The following GSE1 variants were observed in gnomAD, a reference collection of about 807,000 sequenced individuals.
GSE1 encodes the protein Gse1 coiled-coil protein.
GSE1 carries 32 observed loss-of-function variants against 112.6 expected under a neutral mutation model. That is an observed-to-expected ratio of 0.28 (90% CI 0.21 to 0.38). GSE1 has a LOEUF of 0.38. GSE1 is among the 10% of genes least tolerant of loss of function. The pLI, the probability that GSE1 is intolerant of heterozygous loss-of-function variation, is 1.00. For missense variants in GSE1, 2,348 were observed against 1,699.2 expected (o/e 1.38, Z -6.71); for synonymous variants, 1,115 against 735.6 (o/e 1.52, Z -8.35).
At chr16:85,188,336 G>A (rs778084288) in intron 1 of GSE1, among the ~76,000 whole-genome samples, 3 of 152,252 alleles carry the variant, frequency 2.0e-5, no homozygotes, top group African/African-American at 7.2e-5. Flanking sequence ...GTCACAGGCT[G>A]TAGTACATAG....
chr16:85,521,311 C>T (rs972911528), intron 2 of GSE1, among the ~76,000 whole-genome samples: 6 of 152,192 alleles, frequency 3.9e-5, no homozygotes, highest in African/African-American at 9.7e-5. Context: ...CCTCACCTCG[C>T]GCTCACCTTT....
intron 2 of GSE1, among the ~76,000 whole-genome samples, chr16:85,380,746 G>C (rs1375195696): frequency 6.6e-6 from 1 of 152,314 alleles, no homozygotes; most frequent in African/African-American, 2.4e-5. Context: ...CCTGCATCAA[G>C]CCGCAATCCA....
intron 3 of GSE1, among the ~76,000 whole-genome samples, chr16:85,649,586 C>T (rs1012032260): frequency 3.9e-5 from 6 of 152,148 alleles, no homozygotes; most frequent in African/African-American, 1.4e-4. Context: ...GCTCTTCTGC[C>T]GCTGCCTGGG....
chr16:85,375,108 G>C (rs1390749251), intron 2 of GSE1, among the ~76,000 whole-genome samples: 1 of 152,176 alleles, frequency 6.6e-6, no homozygotes, highest in Non-Finnish European at 1.5e-5. Context: ...AGCCCCTCAC[G>C]GGCTGGGACT....
At chr16:85,501,743 C>G (rs1470553157) in intron 2 of GSE1, among the ~76,000 whole-genome samples, 1 of 152,210 alleles carries the variant, frequency 6.6e-6, no homozygotes, top group East Asian at 1.9e-4. Context: ...ACAACACCCC[C>G]TTTTGGGTGA....
intron 2 of GSE1, among the ~76,000 whole-genome samples, chr16:85,547,710 G>A (rs2044748921): frequency 6.6e-6 from 1 of 151,618 alleles, no homozygotes; most frequent in Non-Finnish European, 1.5e-5. Flanking sequence ...GTGAAACCCT[G>A]TCTCTACTAA....
chr16:85,451,074 C>CA lies in GSE1; in HGVS notation c.2464+93455dup, dbSNP rs57839123. Reference sequence around the variant, plus strand: ...GGGTGACAAGAGCAAAACGCCATCTCAAAAAAAAAAAAAAAAAAAAAAAAG... The same window carrying CA: ...GGGTGACAAGAGCAAAACGCCATCTCAAAAAAAAAAAAAAAAAAAAAAAAAG... On this transcript the variant is annotated intron_variant, in intron 2 of 2. Transcript: ENST00000637419. Among the ~76,000 whole-genome samples, 478 of 63,934 alleles carry CA rather than the reference C, an allele frequency of 7.5e-3. 1 individual carries two copies. Among genetic ancestry groups the CA allele is most frequent in the Non-Finnish European group, 9.0e-3 (327 of 36,154 alleles). The allele number at this position is 63,934 out of a possible 152,430, so 41.9% of individuals were successfully genotyped here.
In GSE1 at chr16:85,662,079, T is replaced by A. The variant is rs371324645; in HGVS notation, c.2260+314T>A. On this transcript the variant is annotated intron_variant, in intron 9 of 15. Coordinates refer to ENST00000253458, the MANE Select transcript of GSE1 (RefSeq NM_014615.5). Reference sequence around the variant, plus strand: ...ATGAGCGGAGGCTAATAAGATAGTTTTAAATATTAATAGTGCAGCATAACA... The same window carrying A: ...ATGAGCGGAGGCTAATAAGATAGTTATAAATATTAATAGTGCAGCATAACA... 1.2e-3 allele frequency among the ~76,000 whole-genome samples: 177 copies of A among 152,248 alleles called. 1 individual carries two copies. Among genetic ancestry groups the A allele is most frequent in the African/African-American group, 3.9e-3 (160 of 41,546 alleles).
intron 1 of GSE1, among the ~76,000 whole-genome samples, chr16:85,626,301 A>C (rs2049064407): frequency 6.6e-6 from 1 of 152,120 alleles, no homozygotes; most frequent in South Asian, 2.1e-4. Flanking sequence ...TAATGAATTT[A>C]TCATGAAGCC....
intron 1 of GSE1, among the ~76,000 whole-genome samples, chr16:85,292,915 C>T (rs185183389): frequency 1.5e-4 from 23 of 152,246 alleles, no homozygotes; most frequent in Admixed American, 3.9e-4. Context: ...TGTGTGTGCA[C>T]GCAAATTAAA....
intron 1 of GSE1, among the ~76,000 whole-genome samples, chr16:85,286,750 A>G (rs1231186115): frequency 2.0e-5 from 3 of 151,820 alleles, no homozygotes; most frequent in African/African-American, 4.8e-5. Flanking sequence ...GGCTGTTTGA[A>G]CATCTGCTCT....
chr16:85,574,955 C>T (rs932034712), intron 1 of GSE1, among the ~76,000 whole-genome samples: 5 of 152,188 alleles, frequency 3.3e-5, no homozygotes, highest in Admixed American at 1.3e-4. Context: ...GTCTTCGCAC[C>T]CTCCCGACAA....
intron 1 of GSE1, among the ~76,000 whole-genome samples, chr16:85,603,173 A>C (rs935786079): frequency 6.6e-6 from 1 of 152,248 alleles, no homozygotes; most frequent in Non-Finnish European, 1.5e-5. Context: ...CAGTGAGGAC[A>C]AAAATAGGTC....
chr16:85,491,643 G>C (rs895877589), intron 2 of GSE1, among the ~76,000 whole-genome samples: 13 of 152,104 alleles, frequency 8.5e-5, no homozygotes, highest in Admixed American at 7.2e-4. Context: ...CGCCTGAGGA[G>C]TCAGACATGA....
intron 1 of GSE1, among the ~76,000 whole-genome samples, chr16:85,586,488 C>A (rs1287357654): frequency 6.6e-6 from 1 of 152,206 alleles, no homozygotes; most frequent in African/African-American, 2.4e-5. Context: ...CATCATCGGT[C>A]GGCCCTGGTA....
At chr16:85,365,278 GA>G (rs1272391434) in intron 2 of GSE1, among the ~76,000 whole-genome samples, 1 of 152,208 alleles carries the variant, frequency 6.6e-6, no homozygotes, top group African/African-American at 2.4e-5. Flanking sequence ...CTGCTTCTGA[GA>G]AACCTGCCTG....
At chr16:85,211,033 C>T (rs1032479419) in intron 1 of GSE1, among the ~76,000 whole-genome samples, 4 of 152,250 alleles carry the variant, frequency 2.6e-5, no homozygotes, top group Non-Finnish European at 5.9e-5. Context: ...TGCTGGGTTG[C>T]AGGTTTTGCT....
At chr16:85,309,985 C>T (rs2151479107) in intron 1 of GSE1, among the ~76,000 whole-genome samples, 1 of 152,366 alleles carries the variant, frequency 6.6e-6, no homozygotes, top group East Asian at 1.9e-4. Context: ...CTGTGCTTTC[C>T]ACATGACCTG....
At chr16:85,196,783 G>A (rs1327053718) in intron 1 of GSE1, among the ~76,000 whole-genome samples, 2 of 152,094 alleles carry the variant, frequency 1.3e-5, no homozygotes, top group African/African-American at 4.8e-5. Context: ...GTTTAGACGG[G>A]GCGGGGGGGC....
Sources: gnomAD v4.1 joint callset for allele counts (sites outside exome capture counted in the v4.1 genomes callset) on GRCh38, gnomAD v4.1.1 for gene constraint, MANE v1.5 for transcripts, NCBI Gene and HGNC (gene_info 2026-07-23, HGNC 2026-07-21) for gene names.